Variants in SPEN observed in about 807,000 individuals in gnomAD.
SPEN encodes the protein spen family transcriptional repressor.
In SPEN, 18 loss-of-function variants were observed where a neutral mutation model predicts 269.9. The observed-to-expected ratio is 0.07, with a 90% CI of 0.05 to 0.10. The LOEUF (loss-of-function observed/expected upper bound fraction) is 0.10. SPEN is among the 10% of genes least tolerant of loss of function. The pLI is 1.00. For missense variants in SPEN, 3,822 were observed against 4,631.2 expected, an observed-to-expected ratio of 0.83 and a Z score of 5.07; for synonymous variants, 1,726 against 1,765.7, an observed-to-expected ratio of 0.98 and a Z score of 0.56.
intron 10 of SPEN, among the ~76,000 whole-genome samples, chr1:15,922,931 A>C (rs760796813): frequency 2.6e-5 from 4 of 152,176 alleles, no homozygotes; most frequent in Non-Finnish European, 5.9e-5. Context: ...TGTACCATTA[A>C]TCATAAATAC....
chr1:15,871,722 A>G (rs868741151), intron 1 of SPEN, among the ~76,000 whole-genome samples: 2 of 152,204 alleles, frequency 1.3e-5, no homozygotes, highest in African/African-American at 4.8e-5. Flanking sequence ...GGACACAAAA[A>G]TATTTGGATT....
chr1:15,859,333 T>C (rs1353831622), intron 1 of SPEN, among the ~76,000 whole-genome samples: 2 of 150,518 alleles, frequency 1.3e-5, no homozygotes, highest in Non-Finnish European at 3.0e-5. Flanking sequence ...TAGTTCATTT[T>C]CTTTTTCTGT....
At chr1:15,877,309 C>T (rs532857559) in intron 3 of SPEN, among the ~76,000 whole-genome samples, 2 of 152,284 alleles carry the variant, frequency 1.3e-5, no homozygotes, top group East Asian at 3.9e-4. Context: ...CACTGTGTCA[C>T]CAAGGCTGGA....
At chr1:15,857,563 G>A (rs964956066) in intron 1 of SPEN, among the ~76,000 whole-genome samples, 1 of 147,794 alleles carries the variant, frequency 6.8e-6, no homozygotes, top group Non-Finnish European at 1.5e-5. Context: ...CACCATGTTG[G>A]CCAGGCTGGT....
intron 3 of SPEN, among the ~76,000 whole-genome samples, chr1:15,894,173 A>G (rs1266953149): frequency 6.6e-6 from 1 of 152,196 alleles, no homozygotes; most frequent in African/African-American, 2.4e-5. Context: ...GTTTTTTCAT[A>G]CAAGAAATAT....
intron 3 of SPEN, among the ~76,000 whole-genome samples, chr1:15,878,736 T>G (rs2070656840): frequency 6.6e-6 from 1 of 152,238 alleles, no homozygotes; most frequent in South Asian, 2.1e-4. Flanking sequence ...ACTGGGCGTG[T>G]GGCTCACTCA....
In SPEN at chr1:15,860,896, G is replaced by C. The variant is rs547484340; in HGVS notation, c.84-11920G>C. On this transcript the variant is annotated intron_variant, in intron 1 of 14. Coordinates refer to ENST00000375759, the MANE Select transcript of SPEN (RefSeq NM_015001.3). ...ATTACAGGAGTGAGCCACTGTGCCC[G>C]GACTTTTGTTTTGTTTTGTTTTGTT... 1.2e-3 allele frequency among the ~76,000 whole-genome samples: 180 copies of C among 151,302 alleles called. 1 individual carries two copies. The highest frequency in any genetic ancestry group is 3.3e-3 in the African/African-American group (135 of 41,250).
intron 3 of SPEN, among the ~76,000 whole-genome samples, chr1:15,892,849 A>G (rs960341356): frequency 6.6e-6 from 1 of 152,216 alleles, no homozygotes; most frequent in Admixed American, 6.6e-5. Flanking sequence ...CTGTAATCCC[A>G]GCACTTTAGG....
rs41269147 is a variant in SPEN, at chr1:15,934,761, A to G, written c.8521A>G (p.Ser2841Gly). 352 of 1,614,144 alleles carry G rather than the reference A, an allele frequency of 2.2e-4. 1 individual carries two copies. Among genetic ancestry groups the G allele is most frequent in the Non-Finnish European group, 2.7e-4 (324 of 1,180,014 alleles). ...CAAGATCAGCCAGATCCCCCCGGCC[A>G]GTGCAATGGACATTGAATTTCAGCA... The part of the protein sequence containing the change: ...SAKISQIPPA[S>G]AMDIEFQQSV... The change falls in exon 11 of 15, where the codon AGT becomes GGT. Residue 2841 changes from serine to glycine, a missense_variant. This residue lies in a region of SPEN where 329 missense variants were observed against 431.2 expected (regional missense o/e 0.76). Transcript: ENST00000375759. This position sits in a 1 kb window ranked among gnomAD's most constrained non-coding sequence, Gnocchi z 9.2.
chr1:15,893,707 G>A (rs181107261), intron 3 of SPEN, among the ~76,000 whole-genome samples: 9 of 152,066 alleles, frequency 5.9e-5, no homozygotes, highest in Non-Finnish European at 1.3e-4. Flanking sequence ...ACTCAAGCCT[G>A]GGCAACAGAG....
chr1:15,888,595 A>T (rs1156623385), intron 3 of SPEN, among the ~76,000 whole-genome samples: 2 of 151,448 alleles, frequency 1.3e-5, no homozygotes, highest in African/African-American at 4.9e-5. Context: ...AAGTGCTGGG[A>T]TTATAGGCAT....
At chr1:15,858,320 CATT>C (rs2070407609) in intron 1 of SPEN, among the ~76,000 whole-genome samples, 2 of 151,750 alleles carry the variant, frequency 1.3e-5, no homozygotes, top group South Asian at 4.1e-4. Flanking sequence ...CACCAGTTAA[CATT>C]TTGTCACATT....
In SPEN at chr1:15,931,112, T is replaced by C. The variant is rs1458754463; in HGVS notation, c.4872T>C (p.Pro1624=). Residue 1624 remains proline, a synonymous_variant, in exon 11 of 15, where the codon CCT becomes CCC. Coordinates refer to ENST00000375759, the MANE Select transcript of SPEN (RefSeq NM_015001.3). The surrounding 1 kb of genome is among the most constrained non-coding windows in gnomAD (Gnocchi z 4.8). ...ENHPKTPESA[P]ENKDSELKTP... is the part of the protein sequence containing the mutation. ...ATCCCAAGACCCCAGAATCTGCTCC[T>C]GAGAATAAAGATTCAGAACTGAAAA... 4.3e-6 allele frequency: 7 copies of C among 1,613,964 alleles called. No individual in the cohort carries two copies. The African/African-American group carries it at 6.7e-5, about 15-fold the overall frequency.
At chr1:15,864,167 CTTTTTTTTT>C (rs71003211) in intron 1 of SPEN, among the ~76,000 whole-genome samples, 126,201 of 148,724 alleles carry the variant, frequency 0.85, 53,562 homozygotes, top group Middle Eastern at 0.92. Flanking sequence ...ATAGTGGTTG[CTTTTTTTTT>C]TTTTTTTTTT....
At chr1:15,852,606 C>G (rs2070347211) in intron 1 of SPEN, among the ~76,000 whole-genome samples, 1 of 152,052 alleles carries the variant, frequency 6.6e-6, no homozygotes, top group Non-Finnish European at 1.5e-5. Flanking sequence ...TGGAGGGCAC[C>G]TTTTTCTAAC....
intron 3 of SPEN, among the ~76,000 whole-genome samples, chr1:15,895,034 T>C (rs2070827463): frequency 6.6e-6 from 1 of 152,136 alleles, no homozygotes; most frequent in Non-Finnish European, 1.5e-5. Flanking sequence ...GCAATTCTCC[T>C]GTCTCAGCCT....
chr1:15,934,208 C>T lies in SPEN; in HGVS notation c.7968C>T (p.Gly2656=), dbSNP rs373502550. The change falls in exon 11 of 15, where the codon GGC becomes GGT. Residue 2656 remains glycine, a synonymous_variant. Coordinates refer to ENST00000375759, the MANE Select transcript of SPEN (RefSeq NM_015001.3). This position sits in a 1 kb window ranked among gnomAD's most constrained non-coding sequence, Gnocchi z 9.2. ...TLTGLVSALT[G]LVNVSLVPVN... is the part of the protein sequence containing the mutation. ...CTGGTCTGGTGAGCGCACTCACTGG[C>T]CTGGTGAACGTCTCCCTGGTCCCGG... 2.5e-6 allele frequency: 4 copies of T among 1,614,118 alleles called. No homozygotes were observed. In the African/African-American group the frequency reaches 5.3e-5, roughly 22 times the overall value.
chr1:15,849,438 C>A (rs1188018850), intron 1 of SPEN, among the ~76,000 whole-genome samples: 1 of 152,232 alleles, frequency 6.6e-6, no homozygotes, highest in African/African-American at 2.4e-5. Context: ...GTTGCTGTTA[C>A]TGGGGCATTA....
chr1:15,934,774 T>C lies in SPEN; in HGVS notation c.8534T>C (p.Ile2845Thr), dbSNP rs1404957366. ...ATCCCCCCGGCCAGTGCAATGGACA[T>C]TGAATTTCAGCAGTCAGTGTCCAAG... ...SQIPPASAMD[I>T]EFQQSVSKSQ... The change falls in exon 11 of 15, where the codon ATT becomes ACT. Residue 2845 changes from isoleucine to threonine, a missense_variant. Ile to Thr is a moderately conservative substitution (Grantham distance 89). Around this residue, in one of 16 missense-constraint regions of SPEN, gnomAD observed 329 missense variants for 431.2 expected, o/e 0.76. Coordinates refer to ENST00000375759, the MANE Select transcript of SPEN (RefSeq NM_015001.3). This position sits in a 1 kb window ranked among gnomAD's most constrained non-coding sequence, Gnocchi z 9.2. The C allele has an allele frequency of 1.9e-6, 3 of 1,613,996 alleles. No individual in the cohort carries two copies. In the African/African-American group the frequency reaches 4.0e-5, roughly 22 times the overall value.
Sources: allele counts gnomAD v4.1 joint callset (sites outside exome capture counted in the v4.1 genomes callset), GRCh38; gene constraint gnomAD v4.1.1; regional missense constraint gnomAD v4.1.1; non-coding constraint Gnocchi (gnomAD v3.1); transcripts MANE v1.5; gene names NCBI Gene and HGNC (gene_info 2026-07-23, HGNC 2026-07-21).